ZNF652: variants seen among roughly 807,000 people sequenced by gnomAD.
ZNF652 encodes the protein zinc finger protein 652.
ZNF652 carries 16 observed loss-of-function variants against 45.2 expected under a neutral mutation model. That is an observed-to-expected ratio of 0.35 (90% CI 0.24 to 0.54). ZNF652 has a LOEUF of 0.54. ZNF652 is among the 20% of genes least tolerant of loss of function. The pLI is 0.91. For synonymous variants in ZNF652, 250 were observed against 260.6 expected (o/e 0.96, Z 0.39); for missense variants, 614 against 765.6 (o/e 0.80, Z 2.34).
At position 49,298,714 on chromosome 17, in the gene ZNF652, G is replaced by A; in HGVS notation, c.1520C>T (p.Pro507Leu). ...PVNVPPAVQI[P>L]LTTSPATPVP... ...TGGGGTGGCTGGGGAAGTTGTAAGT[G>A]GGATCTGGACAGCAGGTGGCACATT... is the stretch of plus-strand genomic sequence containing the variant. The change falls in exon 6 of 6, where the codon CCA becomes CTA. Residue 507 changes from proline to leucine, a missense_variant. Physicochemically the swap from Pro to Leu is moderately conservative, Grantham distance 98. This residue lies in a region of ZNF652 where 132 missense variants were observed against 137.2 expected (regional missense o/e 0.96). Transcript: ENST00000430262. The A allele has an allele frequency of 6.2e-7, 1 of 1,614,070 alleles. No homozygotes were observed. The highest frequency in any genetic ancestry group is 2.2e-5 in the East Asian group (1 of 44,872).
chr17:49,307,858 G>A (rs2069654431), intron 5 of ZNF652, among the ~76,000 whole-genome samples: 1 of 152,158 alleles, frequency 6.6e-6, no homozygotes, highest in African/African-American at 2.4e-5. Flanking sequence ...ATATATGTAT[G>A]TAATAAATTA....
At chr17:49,313,807 TACTA>T (rs2143779566) in intron 2 of ZNF652, among the ~76,000 whole-genome samples, 1 of 150,930 alleles carries the variant, frequency 6.6e-6, no homozygotes, top group South Asian at 2.1e-4. Context: ...ACCCCATCTC[TACTA>T]AAAATAAAAA....
chr17:49,349,980 C>A (rs944391037), intron 1 of ZNF652, among the ~76,000 whole-genome samples: 24 of 152,182 alleles, frequency 1.6e-4, no homozygotes, highest in Non-Finnish European at 3.4e-4. Flanking sequence ...CAAAGCGAAT[C>A]CATGAACAGA....
In ZNF652 at chr17:49,290,777, T is replaced by G. The variant is rs938385876; in HGVS notation, c.*7636A>C. 1 of 152,234 alleles carries G rather than the reference T, an allele frequency of 6.6e-6. No homozygotes were observed. Among genetic ancestry groups the G allele is most frequent in the African/African-American group, 2.4e-5 (1 of 41,466 alleles). The allele number at this position is 152,234 out of a possible 1,614,324, so 9.4% of individuals were successfully genotyped here. On this transcript the variant is annotated 3_prime_UTR_variant, in exon 6 of 6. Transcript: ENST00000430262. ...TGAGGGATGAACGACGACTGGACTT[T>G]GTAATAAGGGAAAATTTCTTAAATA...
chr17:49,332,372 A>G (rs77372240), intron 1 of ZNF652, among the ~76,000 whole-genome samples: 2,521 of 152,346 alleles, frequency 0.017, 68 homozygotes, highest in African/African-American at 0.057. Flanking sequence ...AGGAAGTTTT[A>G]ACCCAAACAT....
At chr17:49,304,592 G>A (rs1263116621) in intron 5 of ZNF652, among the ~76,000 whole-genome samples, 1 of 152,094 alleles carries the variant, frequency 6.6e-6, no homozygotes, top group Non-Finnish European at 1.5e-5. Flanking sequence ...AGAAGATATA[G>A]TAACAGTTAA....
At chr17:49,351,008 TATATATACACACACACACACAC>T (rs1276248701) in intron 1 of ZNF652, among the ~76,000 whole-genome samples, 3 of 18,474 alleles carry the variant, frequency 1.6e-4, no homozygotes, top group East Asian at 1.4e-3. Context: ...TATATATATA[TATATATACACACACACACACAC>T]ACACACACAC....
chr17:49,306,786 T>C (rs538839475), intron 5 of ZNF652, among the ~76,000 whole-genome samples: 2 of 152,300 alleles, frequency 1.3e-5, no homozygotes, highest in South Asian at 4.1e-4. Flanking sequence ...GGAGTTTTGC[T>C]CTGTCCCCCA....
intron 5 of ZNF652, among the ~76,000 whole-genome samples, chr17:49,308,090 A>T (rs1477057568): frequency 2.0e-5 from 3 of 152,170 alleles, no homozygotes; most frequent in Admixed American, 2.0e-4. Flanking sequence ...CCAAAATGTT[A>T]AGAGTGGTGA....
intron 1 of ZNF652, among the ~76,000 whole-genome samples, chr17:49,331,791 A>G (rs1598304450): frequency 6.6e-6 from 1 of 152,296 alleles, no homozygotes; most frequent in Middle Eastern, 3.4e-3. Context: ...ATTTTTTGAC[A>G]CTTCAAAAAT....
intron 5 of ZNF652, among the ~76,000 whole-genome samples, chr17:49,307,435 GAAAAA>G (rs1175854049): frequency 9.9e-5 from 4 of 40,476 alleles, no homozygotes; most frequent in South Asian, 1.3e-3. Flanking sequence ...TGTCTCAAAA[GAAAAA>G]AAAAAAAAAA....
chr17:49,350,143 T>C (rs552841115), intron 1 of ZNF652, among the ~76,000 whole-genome samples: 86 of 152,290 alleles, frequency 5.6e-4, no homozygotes, highest in Middle Eastern at 3.4e-3. Context: ...AAACACACTA[T>C]GGTTATGACT....
intron 5 of ZNF652, 120 bp from the exon 6 acceptor site, chr17:49,299,044 G>A (rs1567912253): frequency 9.2e-7 from 1 of 1,088,600 alleles, no homozygotes; most frequent in Non-Finnish European, 1.3e-6. Flanking sequence ...TCGAACTCCT[G>A]GCCTCAAGTG....
intron 1 of ZNF652, among the ~76,000 whole-genome samples, chr17:49,340,053 T>C (rs888942201): frequency 5.9e-5 from 9 of 152,128 alleles, no homozygotes; most frequent in African/African-American, 1.4e-4. Context: ...CTTTTAAAGA[T>C]GGGAGAAACA....
At chr17:49,354,615 A>AAAAAAAACAAAAAAAC (rs950325707) in intron 1 of ZNF652, among the ~76,000 whole-genome samples, 3 of 151,348 alleles carry the variant, frequency 2.0e-5, no homozygotes, top group Non-Finnish European at 4.4e-5. Context: ...CGCCTCAAAA[A>AAAAAAAACAAAAAAAC]AAAAAAACAA....
intron 1 of ZNF652, among the ~76,000 whole-genome samples, chr17:49,319,819 A>C (rs958384238): frequency 6.6e-6 from 1 of 151,756 alleles, no homozygotes; most frequent in Non-Finnish European, 1.5e-5. Context: ...TTTTCAAAAA[A>C]ATTTTTAGAG....
At position 49,298,881 on chromosome 17, in the gene ZNF652, G is replaced by A; in HGVS notation, c.1353C>T (p.Thr451=). ...FICEICGKSF[T]SRPNMKRHRR... is the part of the protein sequence containing the mutation. ...GGTGTCTCTTCATGTTGGGGCGGCT[G>A]GTGAAGCTTTTGCCACAGATTTCAC... Residue 451 remains threonine (T), a synonymous_variant, in exon 6 of 6, where the codon ACC becomes ACT. Transcript: ENST00000430262. 1.2e-6 allele frequency: 2 copies of A among 1,613,164 alleles called. No homozygotes were observed. Among genetic ancestry groups the A allele is most frequent in the East Asian group, 2.2e-5 (1 of 44,854 alleles).
chr17:49,336,951 T>TGTTTGTTTG (rs2070091058), intron 1 of ZNF652, among the ~76,000 whole-genome samples: 2 of 120,988 alleles, frequency 1.7e-5, no homozygotes, highest in African/African-American at 6.1e-5. Flanking sequence ...TGTTTTTTTT[T>TGTTTGTTTG]TTTTTTTTTT....
At chr17:49,340,549 C>CAAAA (rs1040246588) in intron 1 of ZNF652, among the ~76,000 whole-genome samples, 113 of 46,580 alleles carry the variant, frequency 2.4e-3, no homozygotes, top group South Asian at 4.6e-3. Context: ...GACTCTGTCT[C>CAAAA]AAAAAAAAAA....
Sources: gnomAD v4.1 joint callset for allele counts (sites outside exome capture counted in the v4.1 genomes callset) on GRCh38, gnomAD v4.1.1 for gene constraint, gnomAD v4.1.1 regional missense constraint, MANE v1.5 for transcripts, NCBI Gene and HGNC (gene_info 2026-07-23, HGNC 2026-07-21) for gene names.